The following APBB2 variants were observed in gnomAD, a reference collection of about 807,000 sequenced individuals.
The protein encoded by APBB2 is Fe65-like 1.
A neutral mutation model predicts 82.5 loss-of-function variants in APBB2; 38 were observed. The ratio of observed to expected loss-of-function variants is 0.46; its 90% CI spans 0.36 to 0.60. APBB2 has a LOEUF of 0.60. APBB2 is among the 20% of genes least tolerant of loss of function. The pLI is 0.00. For synonymous variants in APBB2, 341 were observed against 368.2 expected (o/e 0.93, Z 0.85); for missense variants, 772 against 972.3 (o/e 0.79, Z 2.74).
intron 12 of APBB2, among the ~76,000 whole-genome samples, chr4:40,852,075 C>A (rs933410813): frequency 2.0e-5 from 3 of 151,938 alleles, no homozygotes; most frequent in Admixed American, 2.0e-4. Context: ...AATGTAATTA[C>A]GGGGCCGGGC....
chr4:41,106,427 T>C (rs1026893342), intron 2 of APBB2, among the ~76,000 whole-genome samples: 5 of 151,280 alleles, frequency 3.3e-5, no homozygotes, highest in African/African-American at 1.2e-4. Flanking sequence ...TGAACTTAAA[T>C]GATTAATGAC....
In APBB2 at chr4:40,890,354, A is replaced by C. The variant is rs1009679118; in HGVS notation, c.1529+10T>G. On this transcript the variant is annotated intron_variant, in intron 12 of 17. Transcript: ENST00000508593. ...TGAGGTGACCCAGACTGCCCCACCC[A>C]GGGACTCACCGGCCATTGTCGCGGC... The C allele has an allele frequency of 4.3e-6, 7 of 1,611,172 alleles. No homozygotes were observed. The highest frequency in any genetic ancestry group is 5.9e-6 in the Non-Finnish European group (7 of 1,179,248).
At chr4:40,859,979 G>A (rs1430137146) in intron 12 of APBB2, among the ~76,000 whole-genome samples, 3 of 152,178 alleles carry the variant, frequency 2.0e-5, no homozygotes, top group Admixed American at 2.0e-4. Context: ...TTCCTGACAG[G>A]CAGTGTCCTC....
At chr4:40,997,164 C>T (rs1803854755) in intron 6 of APBB2, among the ~76,000 whole-genome samples, 1 of 152,134 alleles carries the variant, frequency 6.6e-6, no homozygotes, top group Non-Finnish European at 1.5e-5. Context: ...ACATTTCTTC[C>T]CTACTATATA....
At chr4:41,159,910 G>GAGA (rs1266961338) in intron 1 of APBB2, among the ~76,000 whole-genome samples, 1,049 of 13,806 alleles carry the variant, frequency 0.076, 130 homozygotes, top group African/African-American at 0.12. Context: ...GAAGGAGAAG[G>GAGA]AGGAGGAGGA....
chr4:40,899,788 GA>G (rs1774740143), intron 10 of APBB2, among the ~76,000 whole-genome samples: 1 of 152,212 alleles, frequency 6.6e-6, no homozygotes, highest in African/African-American at 2.4e-5. Context: ...GCAGCAAAAT[GA>G]GAGCATGCTG....
At position 40,832,043 on chromosome 4, in the gene APBB2, C is replaced by CACACACAT. The variant is rs1752185312; in HGVS notation, c.1530-1467_1530-1466insATGTGTGT. ...ACACACACACACACACACACACACA[C>CACACACAT]ACACACACATATACACCAAGCTTTA... is the stretch of plus-strand genomic sequence containing the variant. On this transcript the variant is annotated intron_variant, in intron 12 of 17. Coordinates refer to ENST00000508593, the MANE Select transcript of APBB2 (RefSeq NM_004307.2). The surrounding 1 kb of genome is among the most constrained non-coding windows in gnomAD (Gnocchi z 4.8). 6.6e-6 allele frequency among the ~76,000 whole-genome samples: 1 copy of CACACACAT among 151,632 alleles called. No homozygotes were observed. Among genetic ancestry groups the CACACACAT allele is most frequent in the South Asian group, 2.1e-4 (1 of 4,816 alleles).
intron 4 of APBB2, among the ~76,000 whole-genome samples, chr4:41,054,224 G>A (rs11943259): frequency 0.25 from 37,994 of 152,076 alleles, 5,174 homozygotes; most frequent in Non-Finnish European, 0.3. Flanking sequence ...GCAAGGGAGG[G>A]TACTGACAAG....
At chr4:41,021,735 C>A (rs551488037) in intron 5 of APBB2, among the ~76,000 whole-genome samples, 13 of 152,262 alleles carry the variant, frequency 8.5e-5, no homozygotes, top group African/African-American at 2.6e-4. Flanking sequence ...CTTGGGTCCC[C>A]TTCCACACTG....
intron 1 of APBB2, among the ~76,000 whole-genome samples, chr4:41,205,257 G>A (rs1413865598): frequency 1.3e-5 from 2 of 152,140 alleles, no homozygotes; most frequent in African/African-American, 4.8e-5. Flanking sequence ...ACTTGGGAGT[G>A]GAGCTGGTGG....
chr4:41,032,785 T>C (rs940511914), intron 5 of APBB2, among the ~76,000 whole-genome samples: 9 of 113,498 alleles, frequency 7.9e-5, no homozygotes, highest in African/African-American at 3.5e-4. Flanking sequence ...TTTCTTTTTT[T>C]TTTTTTTTTT....
chr4:41,133,617 G>A (rs1038626713), intron 2 of APBB2, among the ~76,000 whole-genome samples: 7 of 151,786 alleles, frequency 4.6e-5, no homozygotes, highest in East Asian at 1.9e-4. Context: ...CAGACACAGC[G>A]ACAGGAAAAG....
At chr4:40,829,963 C>G (rs1450760307) in intron 13 of APBB2, among the ~76,000 whole-genome samples, 1 of 152,204 alleles carries the variant, frequency 6.6e-6, no homozygotes, top group Non-Finnish European at 1.5e-5. Context: ...TTTCCTGTAG[C>G]CTTTTTCTCT....
chr4:40,835,764 C>A (rs1753705531), intron 12 of APBB2, among the ~76,000 whole-genome samples: 1 of 152,198 alleles, frequency 6.6e-6, no homozygotes, highest in African/African-American at 2.4e-5. Flanking sequence ...CTGCTGGGGG[C>A]CACTGCGGTG....
At position 40,811,093 on chromosome 4, in the gene APBB2, C is replaced by T. The variant is rs1360230263; in HGVS notation, c.*4999G>A. On this transcript the variant is annotated 3_prime_UTR_variant, in exon 18 of 18. Transcript: ENST00000508593. ...TGAAGTCACAATTTGTTGCCACTTA[C>T]ATTGATTATCTCCTAACATGCATTT... 3 of 151,810 alleles carry T rather than the reference C, an allele frequency of 2.0e-5. No homozygotes were observed. The highest frequency in any genetic ancestry group is 4.4e-5 in the Non-Finnish European group (3 of 68,034). The allele number at this position is 151,810 out of a possible 1,614,324, so 9.4% of individuals were successfully genotyped here.
chr4:41,036,309 T>C (rs1719144794), intron 4 of APBB2, among the ~76,000 whole-genome samples: 1 of 152,354 alleles, frequency 6.6e-6, no homozygotes, highest in African/African-American at 2.4e-5. Flanking sequence ...TACCGAGGGA[T>C]GACTGTCCTT....
At chr4:41,157,288 A>G (rs1311972730) in intron 1 of APBB2, among the ~76,000 whole-genome samples, 4 of 152,090 alleles carry the variant, frequency 2.6e-5, no homozygotes, top group Non-Finnish European at 4.4e-5. Context: ...TCCCTGGACT[A>G]CTTTGTACTC....
At chr4:41,170,691 A>C (rs893583414) in intron 1 of APBB2, among the ~76,000 whole-genome samples, 4 of 152,052 alleles carry the variant, frequency 2.6e-5, no homozygotes, top group Admixed American at 2.0e-4. Flanking sequence ...CTTTAATGGG[A>C]CCTTAACTGG....
intron 10 of APBB2, among the ~76,000 whole-genome samples, chr4:40,895,478 G>C (rs1773410673): frequency 6.6e-6 from 1 of 152,252 alleles, no homozygotes; most frequent in South Asian, 2.1e-4. Context: ...GGCCAATTCA[G>C]AGCTAGCCAG....
Sources: gnomAD v4.1 joint callset for allele counts (sites outside exome capture counted in the v4.1 genomes callset) on GRCh38, gnomAD v4.1.1 for gene constraint, Gnocchi (gnomAD v3.1) non-coding constraint, MANE v1.5 for transcripts, NCBI Gene and HGNC (gene_info 2026-07-23, HGNC 2026-07-21) for gene names.